Variants in EBF1 observed in about 807,000 individuals in gnomAD.
EBF1 encodes transcription factor COE1.
Under a neutral mutation model 68.4 loss-of-function variants are expected in EBF1, and 10 were observed. The observed-to-expected ratio is 0.15, with a 90% CI of 0.09 to 0.25. The LOEUF (loss-of-function observed/expected upper bound fraction) is 0.25. EBF1 is among the 10% of genes least tolerant of loss of function. The pLI is 1.00. For synonymous variants in EBF1, 298 were observed against 299.8 expected (o/e 0.99, Z 0.06); for missense variants, 509 against 794.4 (o/e 0.64, Z 4.32).
intron 6 of EBF1, among the ~76,000 whole-genome samples, chr5:158,873,123 T>C (rs1374370808): frequency 1.3e-5 from 2 of 150,116 alleles, no homozygotes; most frequent in Admixed American, 1.3e-4. Flanking sequence ...TCTGACTTAC[T>C]ATAGTGGAAA....
intron 6 of EBF1, among the ~76,000 whole-genome samples, chr5:158,948,986 G>T (rs546315027): frequency 6.6e-6 from 1 of 152,148 alleles, no homozygotes; most frequent in Non-Finnish European, 1.5e-5. Context: ...TTATCACCCT[G>T]CAATGGTAAA....
intron 10 of EBF1, among the ~76,000 whole-genome samples, chr5:158,772,573 C>T (rs1245441958): frequency 6.6e-6 from 1 of 152,276 alleles, no homozygotes; most frequent in Non-Finnish European, 1.5e-5. Context: ...CAAATTATTA[C>T]ATTTACACTT....
At chr5:159,025,012 G>A (rs1767430503) in intron 6 of EBF1, among the ~76,000 whole-genome samples, 1 of 152,210 alleles carries the variant, frequency 6.6e-6, no homozygotes, top group Non-Finnish European at 1.5e-5. Flanking sequence ...TCAGCTGCAA[G>A]GTCATCAAGG....
intron 4 of EBF1, 31 bp downstream of exon 4, chr5:159,095,589 G>GC (rs571276920): frequency 1.8e-5 from 29 of 1,612,254 alleles, no homozygotes; most frequent in African/African-American, 5.3e-5. Flanking sequence ...GTGACATAGA[G>GC]CCCCCCGTGG....
At chr5:158,976,978 G>A (rs928213601) in intron 6 of EBF1, among the ~76,000 whole-genome samples, 3 of 152,200 alleles carry the variant, frequency 2.0e-5, no homozygotes, top group African/African-American at 7.2e-5. Flanking sequence ...ACTGCTCCTG[G>A]GGTAGTCATC....
intron 6 of EBF1, among the ~76,000 whole-genome samples, chr5:159,037,119 C>T (rs9686840): frequency 0.075 from 16 of 212 alleles, 3 homozygotes; most frequent in Non-Finnish European, 0.11. Flanking sequence ...TCATCTCACA[C>T]CAGTTAGAAT....
chr5:158,772,794 T>C (rs961107784), intron 10 of EBF1, among the ~76,000 whole-genome samples: 5 of 152,158 alleles, frequency 3.3e-5, no homozygotes, highest in African/African-American at 9.6e-5. Flanking sequence ...AAGGAATGAA[T>C]CATAATGGCC....
intron 6 of EBF1, among the ~76,000 whole-genome samples, chr5:159,027,361 A>G (rs939377890): frequency 2.0e-5 from 3 of 152,060 alleles, no homozygotes; most frequent in African/African-American, 7.2e-5. Context: ...TACTAATACA[A>G]TGTCGCTTCT....
In EBF1 at chr5:158,944,768, G is replaced by A. The variant is rs1251962931; in HGVS notation, c.555-104658C>T. The stretch of plus-strand genomic sequence containing the variant: ...TTTTGAATGATCACCATTCTAACTG[G>A]CGTGAGATGGGATCTCATTGTGGTT... On this transcript the variant is annotated intron_variant, in intron 6 of 15. Transcript: ENST00000313708. Among the ~76,000 whole-genome samples, 3 of 152,156 alleles carry A rather than the reference G, an allele frequency of 2.0e-5. No homozygotes were observed. The South Asian group carries it at 6.2e-4, about 32-fold the overall frequency.
chr5:158,852,793 C>T (rs1793217321), intron 6 of EBF1, among the ~76,000 whole-genome samples: 1 of 152,202 alleles, frequency 6.6e-6, no homozygotes, highest in South Asian at 2.1e-4. Flanking sequence ...CAGAGACGAA[C>T]AATGACAGCA....
At chr5:159,090,807 G>GTAATAATAATAATAATAA (rs138049191) in intron 4 of EBF1, among the ~76,000 whole-genome samples, 3 of 149,202 alleles carry the variant, frequency 2.0e-5, no homozygotes, top group African/African-American at 7.4e-5. Context: ...ACCCAATGGG[G>GTAATAATAATAATAATAA]TAATAATAAT....
chr5:158,707,833 C>A, intron 15 of EBF1, 146 bp downstream of exon 15: 1 of 1,062,108 alleles, frequency 9.4e-7, no homozygotes, highest in Non-Finnish European at 1.3e-6. Flanking sequence ...AGAGCAAATA[C>A]AAAGGAACAG....
intron 6 of EBF1, among the ~76,000 whole-genome samples, chr5:159,014,166 T>C (rs967081967): frequency 1.4e-4 from 22 of 152,362 alleles, no homozygotes; most frequent in African/African-American, 5.3e-4. Context: ...TAAAATTTCA[T>C]GATCAGTGAA....
chr5:158,922,779 C>G (rs1808721557), intron 6 of EBF1, among the ~76,000 whole-genome samples: 1 of 152,158 alleles, frequency 6.6e-6, no homozygotes, highest in Non-Finnish European at 1.5e-5. Context: ...AGGTTATTGT[C>G]ACTTCAGAAT....
At chr5:158,774,701 T>A (rs1232089896) in intron 10 of EBF1, among the ~76,000 whole-genome samples, 1 of 151,558 alleles carries the variant, frequency 6.6e-6, no homozygotes, top group Non-Finnish European at 1.5e-5. Flanking sequence ...TCTATACCCT[T>A]ACTATTAAGT....
chr5:158,916,228 C>T (rs1313515859), intron 6 of EBF1, among the ~76,000 whole-genome samples: 2 of 152,084 alleles, frequency 1.3e-5, no homozygotes, highest in Non-Finnish European at 2.9e-5. Context: ...ATTCATGTGG[C>T]AGGACAAGTG....
rs141337610 is a variant in EBF1 at position 158,745,811 on chromosome 5, T to C, written c.1037-14654A>G. ...ATAATGTTGGCTGTTGCTGTTGATCTATAAGCAAACACCCTGGTAATCCAC... is the reference window on the plus strand; with the variant it reads ...ATAATGTTGGCTGTTGCTGTTGATCCATAAGCAAACACCCTGGTAATCCAC... On this transcript the variant is annotated intron_variant, in intron 10 of 15. Transcript: ENST00000313708. Among the ~76,000 whole-genome samples the C allele has an allele frequency of 2.0e-5, 3 of 152,338 alleles. No individual in the cohort carries two copies. The East Asian group carries it at 5.8e-4, about 29-fold the overall frequency.
intron 6 of EBF1, among the ~76,000 whole-genome samples, chr5:158,960,744 C>A (rs1196920332): frequency 6.6e-6 from 1 of 152,164 alleles, no homozygotes; most frequent in Non-Finnish European, 1.5e-5. Context: ...GTCAAAAAGG[C>A]CTGTCAGTTT....
chr5:158,854,746 C>G (rs1011211919), intron 6 of EBF1, among the ~76,000 whole-genome samples: 3 of 152,158 alleles, frequency 2.0e-5, no homozygotes, highest in Non-Finnish European at 4.4e-5. Flanking sequence ...AAGAAGACGC[C>G]ATCAAACCCA....
Sources: allele counts gnomAD v4.1 joint callset (sites outside exome capture counted in the v4.1 genomes callset), GRCh38; gene constraint gnomAD v4.1.1; transcripts MANE v1.5; gene names NCBI Gene and HGNC (gene_info 2026-07-23, HGNC 2026-07-21).